Variants in BTRC observed in about 807,000 individuals in gnomAD.
BTRC encodes F-box/WD repeat-containing protein 1A.
BTRC carries 42 observed loss-of-function variants against 85.5 expected under a neutral mutation model. That is an observed-to-expected ratio of 0.49 (90% CI 0.38 to 0.64). The LOEUF is 0.64. Among genes scored for constraint, BTRC ranks in the 30% least tolerant of loss-of-function variants. BTRC has a pLI of 0.00. For synonymous variants in BTRC, 255 were observed against 263.3 expected (o/e 0.97, Z 0.30); for missense variants, 594 against 743.5 (o/e 0.80, Z 2.34).
chr10:101,396,292 T>C (rs1350652640), intron 1 of BTRC, among the ~76,000 whole-genome samples: 1 of 151,696 alleles, frequency 6.6e-6, no homozygotes, highest in Non-Finnish European at 1.5e-5. Flanking sequence ...TCTTTAATTT[T>C]TGTCAATGAA....
At chr10:101,508,228 T>G (rs1306668826) in intron 4 of BTRC, among the ~76,000 whole-genome samples, 1 of 152,210 alleles carries the variant, frequency 6.6e-6, no homozygotes, top group Non-Finnish European at 1.5e-5. Flanking sequence ...CATTAAATAA[T>G]CATATATACT....
intron 4 of BTRC, among the ~76,000 whole-genome samples, chr10:101,511,408 TTTTC>T (rs2061951578): frequency 1.3e-5 from 2 of 152,200 alleles, no homozygotes; most frequent in African/African-American, 4.8e-5. Context: ...TCTTTACTTC[TTTTC>T]TTTTTCTTTT....
In BTRC at chr10:101,380,329, C is replaced by T. The variant is rs567190771; in HGVS notation, c.48+26101C>T. Reference sequence around the variant, plus strand: ...TTTGGAAATTATAAAGGACTGTAAGCATCCAGATCATGTGTCTCTTAAAGA... The same window carrying T: ...TTTGGAAATTATAAAGGACTGTAAGTATCCAGATCATGTGTCTCTTAAAGA... On this transcript the variant is annotated intron_variant, in intron 1 of 14. Coordinates refer to ENST00000370187, the MANE Select transcript of BTRC (RefSeq NM_033637.4). Among the ~76,000 whole-genome samples the T allele has an allele frequency of 1.8e-3, 269 of 151,742 alleles. 2 individuals are homozygous for T. The highest frequency in any genetic ancestry group is 6.4e-3 in the African/African-American group (264 of 41,394).
intron 1 of BTRC, among the ~76,000 whole-genome samples, chr10:101,387,665 T>C (rs1014673081): frequency 6.6e-6 from 1 of 151,336 alleles, no homozygotes. Context: ...TTGTTGGGAT[T>C]ACAGGTGCCC....
intron 13 of BTRC, among the ~76,000 whole-genome samples, chr10:101,540,334 T>C (rs1269576826): frequency 6.6e-6 from 1 of 151,102 alleles, no homozygotes; most frequent in Admixed American, 6.6e-5. Flanking sequence ...GTTGGGCTTT[T>C]TTACACATGA....
chr10:101,476,169 C>G (rs1945682085), intron 3 of BTRC, among the ~76,000 whole-genome samples: 1 of 151,814 alleles, frequency 6.6e-6, no homozygotes, highest in Non-Finnish European at 1.5e-5. Flanking sequence ...GAGGCACAGT[C>G]TGTAGATTAA....
At chr10:101,509,060 A>G (rs533324616) in intron 4 of BTRC, among the ~76,000 whole-genome samples, 12 of 151,936 alleles carry the variant, frequency 7.9e-5, no homozygotes, top group Non-Finnish European at 1.5e-4. Flanking sequence ...AAGGATGCTC[A>G]GGTGCCAATG....
chr10:101,474,600 C>T lies in BTRC; in HGVS notation c.235-4768C>T, dbSNP rs142535360. Among the ~76,000 whole-genome samples, 426 of 152,316 alleles carry T rather than the reference C, an allele frequency of 2.8e-3. 2 individuals carry two copies. The highest frequency in any genetic ancestry group is 4.6e-3 in the Non-Finnish European group (315 of 68,004). ...ATGTAATTTTTTAGTCTTCCTCCTT[C>T]CCCTGTGGTTCTCTTTCATTTCTGG... is the stretch of plus-strand genomic sequence containing the variant. On this transcript the variant is annotated intron_variant, in intron 3 of 14. Coordinates refer to ENST00000370187, the MANE Select transcript of BTRC (RefSeq NM_033637.4).
chr10:101,531,171 A>G (rs779757401), intron 6 of BTRC, 66 bp from the exon 7 acceptor site: 20 of 1,322,392 alleles, frequency 1.5e-5, no homozygotes, highest in Non-Finnish European at 2.1e-5. Flanking sequence ...ACTCTGTCTC[A>G]AAATATATAT....
intron 4 of BTRC, among the ~76,000 whole-genome samples, chr10:101,485,166 T>C (rs1331820049): frequency 1.3e-5 from 2 of 152,074 alleles, no homozygotes; most frequent in African/African-American, 4.8e-5. Context: ...TGGTAAAATT[T>C]AAACCATTTT....
In BTRC at chr10:101,531,343, TA is replaced by T; in HGVS notation, c.840+11del. 6.4e-7 allele frequency: 1 copy of T among 1,570,440 alleles called. No homozygotes were observed. On this transcript the variant is annotated intron_variant, in intron 7 of 14. Transcript: ENST00000370187. ...TATACAAGACATTGAGGTAAGAATC[TA>T]TGTATTTTGGGGTATTGCCCAAGGG... is the stretch of plus-strand genomic sequence containing the variant.
intron 1 of BTRC, among the ~76,000 whole-genome samples, chr10:101,417,602 A>T (rs1258365009): frequency 1.3e-5 from 2 of 152,216 alleles, no homozygotes; most frequent in Admixed American, 6.5e-5. Context: ...ATTAAAACGA[A>T]GTAGTATTTT....
At chr10:101,407,254 A>G (rs1387502046) in intron 1 of BTRC, among the ~76,000 whole-genome samples, 1 of 152,198 alleles carries the variant, frequency 6.6e-6, no homozygotes, top group Non-Finnish European at 1.5e-5. Context: ...AGGCTGAGGC[A>G]GGAGGATCTC....
At chr10:101,532,009 C>A (rs1047955909) in intron 7 of BTRC, among the ~76,000 whole-genome samples, 1 of 152,156 alleles carries the variant, frequency 6.6e-6, no homozygotes, top group Non-Finnish European at 1.5e-5. Context: ...TCACGTAGTT[C>A]GTAGCTTTTC....
chr10:101,441,651 G>A (rs370123208), intron 2 of BTRC, among the ~76,000 whole-genome samples: 1 of 151,978 alleles, frequency 6.6e-6, no homozygotes, highest in Non-Finnish European at 1.5e-5. Context: ...AGGCTGAGGC[G>A]GGCGGATTGC....
intron 4 of BTRC, among the ~76,000 whole-genome samples, chr10:101,519,733 C>T (rs912424504): frequency 2.0e-5 from 3 of 152,190 alleles, no homozygotes; most frequent in Non-Finnish European, 2.9e-5. Flanking sequence ...CAGTGGCTCA[C>T]GCCTGTGATC....
chr10:101,416,692 G>A (rs12355803), intron 1 of BTRC, among the ~76,000 whole-genome samples: 43,653 of 151,976 alleles, frequency 0.29, 7,488 homozygotes, highest in Middle Eastern at 0.46. Context: ...TACTCTCTGC[G>A]TGTAAAATTT....
chr10:101,506,270 G>T, intron 4 of BTRC, among the ~76,000 whole-genome samples: 1 of 152,172 alleles, frequency 6.6e-6, no homozygotes, highest in South Asian at 2.1e-4. Flanking sequence ...CCTTTGAACT[G>T]AAGCATGAAG....
chr10:101,365,263 G>C (rs1164142039), intron 1 of BTRC, among the ~76,000 whole-genome samples: 6 of 150,816 alleles, frequency 4.0e-5, no homozygotes, highest in Non-Finnish European at 1.5e-5. Flanking sequence ...AGTAGAGATG[G>C]GGTTTCTCCA....
Sources: allele counts gnomAD v4.1 joint callset (sites outside exome capture counted in the v4.1 genomes callset), GRCh38; gene constraint gnomAD v4.1.1; transcripts MANE v1.5; gene names NCBI Gene and HGNC (gene_info 2026-07-23, HGNC 2026-07-21).